Variants in GRM5 observed in about 807,000 individuals in gnomAD.
GRM5 encodes the protein metabotropic glutamate receptor 5.
GRM5 carries 19 observed loss-of-function variants against 83.1 expected under a neutral mutation model. The observed-to-expected ratio is 0.23, with a 90% CI of 0.16 to 0.34. The LOEUF is 0.34. Ranked by LOEUF, GRM5 falls within the 10% of genes least tolerant of loss-of-function variation. GRM5 has a pLI of 1.00. For missense variants in GRM5, 1,160 were observed against 1,588.3 expected, an observed-to-expected ratio of 0.73 and a Z score of 4.58; for synonymous variants, 675 against 633.6, an observed-to-expected ratio of 1.07 and a Z score of -0.98.
At chr11:88,942,481 C>T (rs1465941444) in intron 2 of GRM5, among the ~76,000 whole-genome samples, 1 of 152,038 alleles carries the variant, frequency 6.6e-6, no homozygotes, top group East Asian at 1.9e-4. Flanking sequence ...ATTCCTTCTT[C>T]TGGGCATGAA....
intron 4 of GRM5, among the ~76,000 whole-genome samples, chr11:88,647,282 C>A (rs11020781): frequency 0.71 from 107,576 of 151,858 alleles, 43,256 homozygotes; most frequent in South Asian, 0.92. Context: ...GTTCTGGCAA[C>A]AGACATGAAT....
At chr11:88,572,356 A>G (rs1463325714) in intron 7 of GRM5, among the ~76,000 whole-genome samples, 1 of 152,312 alleles carries the variant, frequency 6.6e-6, no homozygotes, top group South Asian at 2.1e-4. Flanking sequence ...GACAGAAGGA[A>G]GGAAGTGTAT....
intron 3 of GRM5, among the ~76,000 whole-genome samples, chr11:88,753,631 A>G (rs1336402637): frequency 1.3e-5 from 2 of 152,332 alleles, no homozygotes; most frequent in Middle Eastern, 6.8e-3. Flanking sequence ...GCATATATTC[A>G]TTGAAGCACT....
intron 2 of GRM5, among the ~76,000 whole-genome samples, chr11:88,947,841 T>A (rs1356993342): frequency 6.6e-6 from 1 of 152,190 alleles, no homozygotes; most frequent in Non-Finnish European, 1.5e-5. Context: ...TCTTTCCTCA[T>A]ACTACTATTA....
intron 4 of GRM5, among the ~76,000 whole-genome samples, chr11:88,610,716 C>A (rs1426019302): frequency 6.6e-6 from 1 of 152,188 alleles, no homozygotes; most frequent in Non-Finnish European, 1.5e-5. Context: ...TTATTTCTGT[C>A]TCTTGCCTGA....
At chr11:88,733,148 G>GTAT (rs374672788) in intron 3 of GRM5, among the ~76,000 whole-genome samples, 5 of 152,038 alleles carry the variant, frequency 3.3e-5, no homozygotes, top group African/African-American at 1.2e-4. Context: ...GTTTCTCTGA[G>GTAT]TATTGATGCA....
intron 2 of GRM5, among the ~76,000 whole-genome samples, chr11:89,010,549 G>T (rs1033101382): frequency 6.6e-6 from 1 of 151,986 alleles, no homozygotes; most frequent in African/African-American, 2.4e-5. Context: ...GGGATTTAGG[G>T]TGGCACAGAA....
At chr11:88,773,309 T>C (rs1211271158) in intron 3 of GRM5, among the ~76,000 whole-genome samples, 1 of 152,218 alleles carries the variant, frequency 6.6e-6, no homozygotes, top group Admixed American at 6.5e-5. Context: ...CTGTTTTTTT[T>C]CTTGTAAATT....
At chr11:88,733,735 A>T (rs1258004961) in intron 3 of GRM5, among the ~76,000 whole-genome samples, 1 of 152,086 alleles carries the variant, frequency 6.6e-6, no homozygotes, top group South Asian at 2.1e-4. Flanking sequence ...ATGTTATACA[A>T]TAGCAGATAA....
chr11:88,563,904 A>G (rs1336419311), intron 8 of GRM5, among the ~76,000 whole-genome samples: 19 of 152,200 alleles, frequency 1.2e-4, no homozygotes. Flanking sequence ...TATGCTAAAC[A>G]TCACAGATTT....
chr11:88,888,772 G>A (rs1314971126), intron 2 of GRM5, among the ~76,000 whole-genome samples: 1 of 152,106 alleles, frequency 6.6e-6, no homozygotes. Context: ...TAGACAATCT[G>A]GTGTGCTTTG....
intron 2 of GRM5, among the ~76,000 whole-genome samples, chr11:88,884,898 T>C (rs1348220927): frequency 2.0e-5 from 3 of 152,140 alleles, no homozygotes; most frequent in Non-Finnish European, 4.4e-5. Flanking sequence ...TAAACCTTTT[T>C]CCTTATAAAT....
At chr11:88,898,488 C>T (rs1396229430) in intron 2 of GRM5, among the ~76,000 whole-genome samples, 1 of 151,898 alleles carries the variant, frequency 6.6e-6, no homozygotes, top group Non-Finnish European at 1.5e-5. Flanking sequence ...GCAAATAATA[C>T]TGACTGTCTG....
intron 2 of GRM5, among the ~76,000 whole-genome samples, chr11:88,882,044 C>T (rs1944962245): frequency 6.6e-6 from 1 of 151,462 alleles, no homozygotes; most frequent in East Asian, 1.9e-4. Flanking sequence ...GACTTTGAGA[C>T]CAGCCTGGTC....
chr11:88,991,812 G>C (rs1433240244), intron 2 of GRM5, among the ~76,000 whole-genome samples: 2 of 152,060 alleles, frequency 1.3e-5, no homozygotes, highest in Non-Finnish European at 1.5e-5. Flanking sequence ...CTAGCCATAT[G>C]TAGAAAGCTG....
chr11:88,798,338 C>CT (rs761545516), intron 3 of GRM5, among the ~76,000 whole-genome samples: 16 of 152,116 alleles, frequency 1.1e-4, no homozygotes, highest in Non-Finnish European at 2.2e-4. Flanking sequence ...AGTCCCAAAA[C>CT]TTTTATTAAA....
At chr11:88,896,762 C>T (rs1945234707) in intron 2 of GRM5, among the ~76,000 whole-genome samples, 2 of 151,864 alleles carry the variant, frequency 1.3e-5, no homozygotes, top group African/African-American at 4.8e-5. Flanking sequence ...ATGATGGCCA[C>T]ATACATTGGG....
chr11:88,755,135 A>T (rs1445680649), intron 3 of GRM5, among the ~76,000 whole-genome samples: 1 of 152,208 alleles, frequency 6.6e-6, no homozygotes, highest in Non-Finnish European at 1.5e-5. Context: ...AACTGAAGCA[A>T]ATGTGTATTT....
Position 88,590,698 on chromosome 11 carries a change from A to G in GRM5, c.1593T>C (p.Cys531=), listed in dbSNP as rs749332643. 3 of 1,611,438 alleles carry G rather than the reference A, an allele frequency of 1.9e-6. No individual in the cohort carries two copies. The highest frequency in any genetic ancestry group is 4.5e-5 in the East Asian group (2 of 44,882). The change falls in exon 7 of 10, where the codon TGT becomes TGC. Residue 531 remains cysteine, a synonymous_variant. Transcript: ENST00000305447. ...KVIRKGEVSC[C]WTCTPCKENE... ...TCTCCTTACAAGGTGTACAGGTCCA[A>G]CAACAGCTGACTTCTCCCTTTCGGA...
Sources: gnomAD v4.1 joint callset for allele counts (sites outside exome capture counted in the v4.1 genomes callset) on GRCh38, gnomAD v4.1.1 for gene constraint, MANE v1.5 for transcripts, NCBI Gene and HGNC (gene_info 2026-07-23, HGNC 2026-07-21) for gene names.